LRBA: variants seen among roughly 807,000 people sequenced by gnomAD.
The protein encoded by LRBA is LPS responsive beige-like anchor protein, also known as lipopolysaccharide-responsive and beige-like anchor protein.
A neutral mutation model predicts 330.0 loss-of-function variants in LRBA; 176 were observed. The observed-to-expected ratio is 0.53, with a 90% CI of 0.47 to 0.60. LRBA has a LOEUF of 0.60. Among genes scored for constraint, LRBA ranks in the 20% least tolerant of loss-of-function variants. The pLI, the probability that LRBA is intolerant of heterozygous loss-of-function variation, is 0.00. For synonymous variants in LRBA, 1,230 were observed against 1,193.0 expected (o/e 1.03, Z -0.64); for missense variants, 3,259 against 3,444.8 (o/e 0.95, Z 1.35).
Position 150,583,035 on chromosome 4 carries a change from C to A in LRBA, c.6330+5013G>T. 6.3e-7 allele frequency: 1 copy of A among 1,589,912 alleles called. No homozygotes were observed. On this transcript the variant is annotated intron_variant, in intron 40 of 56. Coordinates refer to ENST00000651943, the MANE Select transcript of LRBA (RefSeq NM_001364905.1). The surrounding 1 kb of genome is among the most constrained non-coding windows in gnomAD (Gnocchi z 9.8). ...GCCCGGACCTGTGCCCCAACATGAT[C>A]GCCGCTCAGGCCAAGCTGGTTTACC...
chr4:150,625,006 T>C (rs1354297760), intron 37 of LRBA, among the ~76,000 whole-genome samples: 2 of 152,226 alleles, frequency 1.3e-5, no homozygotes, highest in African/African-American at 4.8e-5. Flanking sequence ...GAGCTCTTTG[T>C]AGTCAAGGAA....
At chr4:150,772,354 G>C (rs1430257961) in intron 34 of LRBA, among the ~76,000 whole-genome samples, 9 of 152,174 alleles carry the variant, frequency 5.9e-5, no homozygotes, top group Non-Finnish European at 1.3e-4. Flanking sequence ...CTGGCAAAGA[G>C]AAGGTAGTGT....
At chr4:150,346,326 G>A (rs568646547) in intron 48 of LRBA, among the ~76,000 whole-genome samples, 1 of 151,798 alleles carries the variant, frequency 6.6e-6, no homozygotes, top group Non-Finnish European at 1.5e-5. Flanking sequence ...AAATTAAGGT[G>A]TGATGTGTGG....
chr4:150,599,793 G>T (rs534115854), intron 37 of LRBA, among the ~76,000 whole-genome samples: 5 of 152,094 alleles, frequency 3.3e-5, no homozygotes, highest in Non-Finnish European at 7.4e-5. Context: ...ACAAGAAAAT[G>T]CATTTCTTTT....
At position 150,599,213 on chromosome 4, in the gene LRBA, T is replaced by C. The variant is rs1773850557; in HGVS notation, c.5922-82A>G. 6 of 1,474,126 alleles carry C rather than the reference T, an allele frequency of 4.1e-6. No individual in the cohort carries two copies. In the East Asian group the frequency reaches 1.4e-4, roughly 34 times the overall value. 91.3% of individuals were successfully genotyped at this position (1,474,126 alleles called of 1,614,324 possible). A position where few individuals can be genotyped will look rare whatever the true frequency, so the allele number is the denominator to read the frequency against. On this transcript the variant is annotated intron_variant, in intron 37 of 56. Transcript: ENST00000651943. ...CTGAATTTCTGCATAAAGCTCTCCT[T>C]GTTTGCTCTGCCTTTTTTTCCCTCT...
Position 150,852,196 on chromosome 4 carries a change from G to T in LRBA, c.3514C>A (p.Gln1172Lys). ...TGAATTCCAGAATCTTTAGAATCTT[G>T]AGTTTCAGTATCAGTTTGCTTTTCA... ...VTEKQTDTET[Q>K]DSKDSGIQTM... Residue 1172 changes from glutamine (Q) to lysine (K), a missense_variant, in exon 23 of 57, where the codon CAA (glutamine) becomes AAA (lysine). Coordinates refer to ENST00000651943, the MANE Select transcript of LRBA (RefSeq NM_001364905.1). 1 of 1,614,110 alleles carries T rather than the reference G, an allele frequency of 6.2e-7. No individual in the cohort carries two copies. The highest frequency in any genetic ancestry group is 1.6e-4 in the Middle Eastern group (1 of 6,062).
chr4:150,796,233 T>C (rs1182009701), intron 34 of LRBA, among the ~76,000 whole-genome samples: 1 of 151,984 alleles, frequency 6.6e-6, no homozygotes, highest in Non-Finnish European at 1.5e-5. Context: ...TAAGCTTTCA[T>C]GTAGAAAAAG....
At chr4:150,947,654 T>C (rs1032165721) in intron 2 of LRBA, among the ~76,000 whole-genome samples, 3 of 152,054 alleles carry the variant, frequency 2.0e-5, no homozygotes, top group Non-Finnish European at 4.4e-5. Flanking sequence ...ACTACTTTTA[T>C]TCAAATTAGT....
At chr4:150,539,137 G>A (rs913305347) in intron 40 of LRBA, among the ~76,000 whole-genome samples, 6 of 151,950 alleles carry the variant, frequency 3.9e-5, no homozygotes, top group African/African-American at 9.7e-5. Flanking sequence ...CACCATGCCC[G>A]GCTAATTTTT....
At chr4:150,809,852 TACGATACGATA>T (rs1223134892) in intron 31 of LRBA, among the ~76,000 whole-genome samples, 67 of 7,896 alleles carry the variant, frequency 8.5e-3, no homozygotes, top group African/African-American at 0.021. Flanking sequence ...TGTCTTAAAA[TACGATACGATA>T]CGATACGATA....
intron 47 of LRBA, among the ~76,000 whole-genome samples, chr4:150,391,236 C>T (rs1248845467): frequency 6.6e-6 from 1 of 152,152 alleles, no homozygotes; most frequent in Non-Finnish European, 1.5e-5. Context: ...TGAAACCAGA[C>T]AGAAGGAACC....
chr4:150,853,031 T>C (rs1750795227), intron 22 of LRBA, 88 bp from the exon 23 acceptor site: 1 of 628,138 alleles, frequency 1.6e-6, no homozygotes, highest in South Asian at 3.7e-5. Flanking sequence ...TTCAAATACA[T>C]AGTTTATATA....
At chr4:150,571,656 T>G (rs1019567961) in intron 40 of LRBA, among the ~76,000 whole-genome samples, 1 of 142,932 alleles carries the variant, frequency 7.0e-6, no homozygotes, top group African/African-American at 2.6e-5. Flanking sequence ...GTTGTTTTTT[T>G]TTTTTTTTTT....
intron 2 of LRBA, among the ~76,000 whole-genome samples, chr4:150,929,725 T>C (rs1046140734): frequency 6.6e-6 from 1 of 152,212 alleles, no homozygotes; most frequent in African/African-American, 2.4e-5. Flanking sequence ...AAATTTTAAA[T>C]AAATCGTAAT....
chr4:150,969,331 G>A (rs1739262648), intron 2 of LRBA, among the ~76,000 whole-genome samples: 2 of 152,220 alleles, frequency 1.3e-5, no homozygotes, highest in African/African-American at 4.8e-5. Context: ...AAAACCTTCT[G>A]AAAATGATTC....
In LRBA at chr4:150,545,538, G is replaced by A. The variant is rs556576760; in HGVS notation, c.6330+42510C>T. Among the ~76,000 whole-genome samples, 8 of 152,028 alleles carry A rather than the reference G, an allele frequency of 5.3e-5. No homozygotes were observed. In the South Asian group the frequency reaches 1.2e-3, roughly 24 times the overall value. The stretch of plus-strand genomic sequence containing the variant: ...TTTAAAATAAAAATGTGAACATTAA[G>A]CTTAAAAAAAATAATTCGCAACTTA... On this transcript the variant is annotated intron_variant, in intron 40 of 56. Coordinates refer to ENST00000651943, the MANE Select transcript of LRBA (RefSeq NM_001364905.1).
intron 36 of LRBA, among the ~76,000 whole-genome samples, chr4:150,706,324 C>CATTT (rs1443515764): frequency 6.6e-6 from 1 of 151,676 alleles, no homozygotes; most frequent in Non-Finnish European, 1.5e-5. Context: ...AACATACAGG[C>CATTT]ATTTAGTATA....
rs145458055 is a variant in LRBA, at chr4:150,683,715, T to C, written c.5757A>G (p.Ser1919=). 59 of 1,582,800 alleles carry C rather than the reference T, an allele frequency of 3.7e-5. No individual in the cohort carries two copies. The highest frequency in any genetic ancestry group is 4.9e-5 in the Non-Finnish European group (57 of 1,163,542). ...TGTCTGCAGAATACTGGGCACACAG[T>C]GACTTGGAGAGAAAAAAAAATAATA... ...EDIHRHAEFE[S]LCAQYSADKR... Residue 1919 remains serine (S), a splice_region_variant and synonymous_variant, in exon 37 of 57, where the codon TCA becomes TCG. Transcript: ENST00000651943.
intron 53 of LRBA, among the ~76,000 whole-genome samples, chr4:150,298,530 A>T (rs1580938872): frequency 6.6e-6 from 1 of 152,088 alleles, no homozygotes; most frequent in South Asian, 2.1e-4. Flanking sequence ...AGACAGAGAA[A>T]AAGCAGGGCA....
Sources: allele counts gnomAD v4.1 joint callset (sites outside exome capture counted in the v4.1 genomes callset), GRCh38; gene constraint gnomAD v4.1.1; non-coding constraint Gnocchi (gnomAD v3.1); transcripts MANE v1.5; gene names NCBI Gene and HGNC (gene_info 2026-07-23, HGNC 2026-07-21).